The following KLF7 variants were observed in gnomAD, a reference collection of about 807,000 sequenced individuals.
KLF7 encodes Krueppel-like factor 7.
KLF7 carries 2 observed loss-of-function variants against 27.3 expected under a neutral mutation model. The observed-to-expected ratio is 0.07, with a 90% CI of 0.03 to 0.23. The LOEUF (loss-of-function observed/expected upper bound fraction) is 0.23. Ranked by LOEUF, KLF7 falls within the 10% of genes least tolerant of loss-of-function variation. The probability of loss-of-function intolerance (pLI) is 1.00; values close to 1 mark genes in which losing one functional copy is unlikely to be tolerated. For missense variants in KLF7, 221 were observed against 394.1 expected (o/e 0.56, Z 3.72); for synonymous variants, 165 against 162.4 (o/e 1.02, Z -0.12).
rs34218929 is a variant in KLF7 at position 207,150,997 on chromosome 2, TA to T, written c.102+14469del. On this transcript the variant is annotated intron_variant, in intron 1 of 3. Transcript: ENST00000309446. ...TGAGTGTAAGACCTGTTCTCTTTAT[TA>T]AAAAAAAAAAAAAAAAAAGGAAGAA... is the stretch of plus-strand genomic sequence containing the variant. 9.9e-3 allele frequency among the ~76,000 whole-genome samples: 896 copies of T among 90,322 alleles called. 10 individuals carry two copies. Among genetic ancestry groups the T allele is most frequent in the African/African-American group, 0.036 (847 of 23,384 alleles). 59.3% of individuals were successfully genotyped at this position (90,322 alleles called of 152,430 possible).
At chr2:207,157,299 C>T (rs1375686613) in intron 1 of KLF7, among the ~76,000 whole-genome samples, 2 of 150,224 alleles carry the variant, frequency 1.3e-5, no homozygotes, top group Non-Finnish European at 2.9e-5. Context: ...AAAAGCTCTG[C>T]ACAAGAGTAT....
chr2:207,113,977 A>T (rs1385570733), intron 2 of KLF7, among the ~76,000 whole-genome samples: 1 of 152,234 alleles, frequency 6.6e-6, no homozygotes. Flanking sequence ...ACAACAACAA[A>T]GAATGAAAAA....
At chr2:207,134,097 A>T in intron 1 of KLF7, 1 of 1,533,824 alleles carries the variant, frequency 6.5e-7, no homozygotes, top group Non-Finnish European at 8.7e-7. Context: ...CGAACCAGTT[A>T]CATCATCTCC....
intron 1 of KLF7, among the ~76,000 whole-genome samples, chr2:207,146,917 A>G (rs1485153259): frequency 6.6e-6 from 1 of 152,190 alleles, no homozygotes; most frequent in Admixed American, 6.5e-5. Context: ...GCAACCTGCT[A>G]TTCTATGCAA....
chr2:207,119,135 TAG>T (rs953361238), intron 2 of KLF7, among the ~76,000 whole-genome samples: 1 of 152,202 alleles, frequency 6.6e-6, no homozygotes, highest in African/African-American at 2.4e-5. Context: ...CTTCAGTCTA[TAG>T]AGAGAGTCCT....
rs1334061933 is a variant in KLF7 at position 207,081,040 on chromosome 2, T to C, written c.*173A>G. On this transcript the variant is annotated 3_prime_UTR_variant, in exon 4 of 4. Transcript: ENST00000309446. Reference sequence around the variant, plus strand: ...GAGTGCATGACAGTGTGTATGTGTGTGGGTCTGTGAGTGTGTGTATATGTG... The same window carrying C: ...GAGTGCATGACAGTGTGTATGTGTGCGGGTCTGTGAGTGTGTGTATATGTG... 1.1e-5 allele frequency: 7 copies of C among 663,908 alleles called. No homozygotes were observed. The Admixed American group carries it at 1.6e-4, about 16-fold the overall frequency. 41.1% of individuals were successfully genotyped at this position (663,908 alleles called of 1,614,324 possible).
In KLF7 at chr2:207,123,849, G is replaced by A. The variant is rs1018436671; in HGVS notation, c.658C>T (p.Arg220Cys). The A allele has an allele frequency of 3.7e-6, 6 of 1,614,046 alleles. No individual in the cohort carries two copies. The highest frequency in any genetic ancestry group is 2.2e-5 in the East Asian group (1 of 44,874). The change falls in exon 2 of 4, where the codon CGC (arginine) becomes TGC (cysteine). Residue 220 changes from arginine to cysteine, a missense_variant. Coordinates refer to ENST00000309446, the MANE Select transcript of KLF7 (RefSeq NM_003709.4). ...ACPENKKRVH[R>C]CQFNGCRKVY... ...TTCCGGCACCCGTTAAACTGACAGCGGTGAACCCTCTTCTTGTTTTCGGGA... is the reference window on the plus strand; with the variant it reads ...TTCCGGCACCCGTTAAACTGACAGCAGTGAACCCTCTTCTTGTTTTCGGGA...
chr2:207,110,714 G>A (rs2077013878), intron 2 of KLF7, among the ~76,000 whole-genome samples: 1 of 152,182 alleles, frequency 6.6e-6, no homozygotes, highest in Admixed American at 6.5e-5. Context: ...CTTACCATAA[G>A]GGGAAAAGCG....
At chr2:207,095,063 C>CGG (rs955698979) in intron 2 of KLF7, among the ~76,000 whole-genome samples, 2 of 102,370 alleles carry the variant, frequency 2.0e-5, no homozygotes, top group African/African-American at 7.6e-5. Flanking sequence ...TTTTCTGAGA[C>CGG]GGAGTCTCGC....
In KLF7 at chr2:207,074,311, C is replaced by G. The variant is rs995256531; in HGVS notation, c.*6902G>C. The G allele has an allele frequency of 3.3e-5, 5 of 152,032 alleles. No homozygotes were observed. The highest frequency in any genetic ancestry group is 3.3e-4 in the Admixed American group (5 of 15,268). 9.4% of individuals were successfully genotyped at this position (152,032 alleles called of 1,614,324 possible). ...CTGCTGTTTCCTGTGAATGACACCA[C>G]TTCTCTCGGGGAATCGCTGAGCTCG... On this transcript the variant is annotated 3_prime_UTR_variant, in exon 4 of 4. Transcript: ENST00000309446.
At chr2:207,166,719 G>A (rs1288984419), upstream of KLF7, 12 of 846,180 alleles carry the variant, frequency 1.4e-5, no homozygotes, top group Non-Finnish European at 1.7e-5. Context: ...ACGGGGCAGG[G>A]ACCCGCGCGA....
At chr2:207,117,139 G>A (rs902499359) in intron 2 of KLF7, among the ~76,000 whole-genome samples, 3 of 152,038 alleles carry the variant, frequency 2.0e-5, no homozygotes, top group African/African-American at 7.3e-5. Context: ...TGGAATAGGC[G>A]TCCCACAAAG....
At chr2:207,100,199 T>TAG (rs2076733990) in intron 2 of KLF7, among the ~76,000 whole-genome samples, 1 of 152,234 alleles carries the variant, frequency 6.6e-6, no homozygotes, top group African/African-American at 2.4e-5. Context: ...GGGCCCTCCC[T>TAG]GGGCCAGCTA....
intron 2 of KLF7, among the ~76,000 whole-genome samples, chr2:207,114,094 T>C (rs750503549): frequency 1.4e-4 from 21 of 152,238 alleles, no homozygotes; most frequent in Non-Finnish European, 2.8e-4. Context: ...ATTTAATACA[T>C]ACCGTCATTT....
At chr2:207,104,676 A>G (rs1273388331) in intron 2 of KLF7, among the ~76,000 whole-genome samples, 2 of 152,224 alleles carry the variant, frequency 1.3e-5, no homozygotes, top group East Asian at 3.8e-4. Flanking sequence ...AGTTCACCCA[A>G]CTTATATGTG....
At chr2:207,104,416 A>C (rs1286959752) in intron 2 of KLF7, among the ~76,000 whole-genome samples, 1 of 152,192 alleles carries the variant, frequency 6.6e-6, no homozygotes, top group Non-Finnish European at 1.5e-5. Flanking sequence ...AACACCTCAA[A>C]TCATCAACAT....
intron 2 of KLF7, among the ~76,000 whole-genome samples, chr2:207,098,132 A>T (rs1256018980): frequency 6.6e-6 from 1 of 152,132 alleles, no homozygotes; most frequent in African/African-American, 2.4e-5. Context: ...CAACAAGTTT[A>T]ATTTGCTTGC....
Position 207,080,125 on chromosome 2 carries a change from G to C in KLF7, c.*1088C>G, listed in dbSNP as rs1159353906. The C allele has an allele frequency of 6.6e-6, 1 of 152,222 alleles. No individual in the cohort carries two copies. The highest frequency in any genetic ancestry group is 1.5e-5 in the Non-Finnish European group (1 of 68,058). The allele number at this position is 152,222 out of a possible 1,614,324, so 9.4% of individuals were successfully genotyped here. ...GCACAACGGTTGATCACTATGAGCT[G>C]AGGTCATCATGCCTCAAGGAGGATG... On this transcript the variant is annotated 3_prime_UTR_variant, in exon 4 of 4. Coordinates refer to ENST00000309446, the MANE Select transcript of KLF7 (RefSeq NM_003709.4).
chr2:207,124,871 C>G (rs2077438793), intron 1 of KLF7, among the ~76,000 whole-genome samples: 1 of 152,092 alleles, frequency 6.6e-6, no homozygotes, highest in Non-Finnish European at 1.5e-5. Flanking sequence ...AGTTTTCCCA[C>G]TTGCTCTGAA....
Sources: gnomAD v4.1 joint callset for allele counts (sites outside exome capture counted in the v4.1 genomes callset) on GRCh38, gnomAD v4.1.1 for gene constraint, MANE v1.5 for transcripts, NCBI Gene and HGNC (gene_info 2026-07-23, HGNC 2026-07-21) for gene names.